The following ROCK2 variants were observed in gnomAD, a reference collection of about 807,000 sequenced individuals.
ROCK2 encodes Rho associated coiled-coil containing protein kinase 2.
ROCK2 carries 61 observed loss-of-function variants against 195.1 expected under a neutral mutation model. The ratio of observed to expected loss-of-function variants is 0.31; its 90% CI spans 0.25 to 0.39. The LOEUF (loss-of-function observed/expected upper bound fraction) is 0.39, where lower values mean the gene tolerates loss of function less well. ROCK2 is among the 10% of genes least tolerant of loss of function. The pLI is 1.00. For synonymous variants in ROCK2, 504 were observed against 545.5 expected, an observed-to-expected ratio of 0.92 and a Z score of 1.06; for missense variants, 1,109 against 1,637.4, an observed-to-expected ratio of 0.68 and a Z score of 5.57.
At chr2:11,243,458 A>G (rs543507101) in intron 4 of ROCK2, among the ~76,000 whole-genome samples, 1 of 152,312 alleles carries the variant, frequency 6.6e-6, no homozygotes, top group Non-Finnish European at 1.5e-5. Context: ...CAAGTGATAA[A>G]TATGGTAAAT....
intron 3 of ROCK2, among the ~76,000 whole-genome samples, chr2:11,278,658 C>G (rs4353615): frequency 0.73 from 111,660 of 152,060 alleles, 42,768 homozygotes; most frequent in East Asian, 0.94. Flanking sequence ...TGTCGCCCAG[C>G]CTGAACTGCA....
At position 11,287,892 on chromosome 2, in the gene ROCK2, C is replaced by T. The variant is rs534127306; in HGVS notation, c.142-156G>A. Among the ~76,000 whole-genome samples, 8 of 152,340 alleles carry T rather than the reference C, an allele frequency of 5.3e-5. No individual in the cohort carries two copies. In the South Asian group the frequency reaches 1.4e-3, roughly 28 times the overall value. ...TAAGTTCCATATCCAACAGCTTTAA[C>T]TGGTTTCCTAACCTCTGTCAGAGAA... is the stretch of plus-strand genomic sequence containing the variant. On this transcript the variant is annotated intron_variant, in intron 1 of 32. Transcript: ENST00000315872.
At position 11,252,939 on chromosome 2, in the gene ROCK2, TATAATAATA is replaced by T. The variant is rs199970738; in HGVS notation, c.325-3150_325-3142del. 4.5e-3 allele frequency among the ~76,000 whole-genome samples: 649 copies of T among 143,328 alleles called. 4 individuals carry two copies. Among genetic ancestry groups the T allele is most frequent in the South Asian group, 0.017 (76 of 4,442 alleles). 94.0% of individuals were successfully genotyped at this position (143,328 alleles called of 152,430 possible). ...GTGCATGTATCCCAGAACTTAAAAG[TATAATAATA>T]ATAATAATAATAATAATAATAATAA... On this transcript the variant is annotated intron_variant, in intron 3 of 32. Transcript: ENST00000315872.
chr2:11,326,900 C>T (rs1430578969), intron 1 of ROCK2, among the ~76,000 whole-genome samples: 1 of 152,098 alleles, frequency 6.6e-6, no homozygotes, highest in East Asian at 1.9e-4. Flanking sequence ...TCTGTTTTCC[C>T]ATGAAGGGGG....
At chr2:11,243,044 C>T (rs1248559310) in intron 4 of ROCK2, among the ~76,000 whole-genome samples, 1 of 152,026 alleles carries the variant, frequency 6.6e-6, no homozygotes, top group Non-Finnish European at 1.5e-5. Context: ...GTTGGTAACA[C>T]AAACAGGGTC....
At chr2:11,292,623 T>C (rs773983459) in intron 1 of ROCK2, among the ~76,000 whole-genome samples, 3 of 152,166 alleles carry the variant, frequency 2.0e-5, no homozygotes, top group Non-Finnish European at 4.4e-5. Flanking sequence ...AAGAAACAGT[T>C]AGTTACAGAG....
At chr2:11,254,982 C>T (rs1477598435) in intron 3 of ROCK2, among the ~76,000 whole-genome samples, 1 of 151,976 alleles carries the variant, frequency 6.6e-6, no homozygotes, top group East Asian at 1.9e-4. Context: ...CTTTGGGAGG[C>T]TGAGGCGGGC....
intron 20 of ROCK2, among the ~76,000 whole-genome samples, chr2:11,205,480 T>C (rs561531430): frequency 3.7e-4 from 57 of 152,186 alleles, no homozygotes; most frequent in Non-Finnish European, 7.2e-4. Flanking sequence ...GTTTATATAT[T>C]TTTTAATTCC....
At chr2:11,316,395 A>G (rs980284217) in intron 1 of ROCK2, among the ~76,000 whole-genome samples, 1 of 152,176 alleles carries the variant, frequency 6.6e-6, no homozygotes, top group South Asian at 2.1e-4. Flanking sequence ...GGTTTATATA[A>G]CAATAAAGGT....
At chr2:11,239,847 T>C (rs1175759989) in intron 4 of ROCK2, among the ~76,000 whole-genome samples, 3 of 152,198 alleles carry the variant, frequency 2.0e-5, no homozygotes, top group Admixed American at 2.0e-4. Flanking sequence ...ACTTACTGGC[T>C]ACAAATTCAG....
At chr2:11,334,861 G>A (rs1448800104) in intron 1 of ROCK2, among the ~76,000 whole-genome samples, 2 of 148,676 alleles carry the variant, frequency 1.3e-5, no homozygotes, top group Non-Finnish European at 3.0e-5. Flanking sequence ...TCTATCACTT[G>A]CTTTATAACT....
rs757242383 is a variant in ROCK2, at chr2:11,192,721, G to C, written c.3688-9C>G. 16 of 1,603,602 alleles carry C rather than the reference G, an allele frequency of 1.0e-5. No individual in the cohort carries two copies. Among genetic ancestry groups the C allele is most frequent in the Non-Finnish European group, 1.4e-5 (16 of 1,175,092 alleles). ...TCATTGGCATACAGAATCTATGAAT[G>C]CCAAAAGAACAATAAGTGATTTCCA... On this transcript the variant is annotated splice_polypyrimidine_tract_variant and intron_variant, in intron 30 of 32. Coordinates refer to ENST00000315872, the MANE Select transcript of ROCK2 (RefSeq NM_004850.5). The surrounding 1 kb of genome is among the most constrained non-coding windows in gnomAD (Gnocchi z 5.0).
intron 1 of ROCK2, 40 bp downstream of exon 1, chr2:11,343,956 T>C (rs1283370329): frequency 1.3e-6 from 2 of 1,575,490 alleles, no homozygotes; most frequent in Admixed American, 3.6e-5. Context: ...ATCTGAGGTG[T>C]GAGCTGCAAC....
In ROCK2 at chr2:11,304,784, A is replaced by C. The variant is rs573295550; in HGVS notation, c.142-17048T>G. Among the ~76,000 whole-genome samples the C allele has an allele frequency of 7.9e-5, 12 of 152,268 alleles. No individual in the cohort carries two copies. The South Asian group carries it at 2.1e-3, about 26-fold the overall frequency. The stretch of plus-strand genomic sequence containing the variant: ...CCACACTGGCCTTCTAAACGTTTCG[A>C]AATCACAACCGGTACCCTACACAAG... On this transcript the variant is annotated intron_variant, in intron 1 of 32. Transcript: ENST00000315872.
intron 30 of ROCK2, among the ~76,000 whole-genome samples, chr2:11,193,549 C>T (rs1257962773): frequency 2.0e-5 from 3 of 151,868 alleles, no homozygotes; most frequent in African/African-American, 7.3e-5. Context: ...ACAAACACAC[C>T]GCAAGCTTTA....
At chr2:11,253,957 A>AAAATC in intron 3 of ROCK2, among the ~76,000 whole-genome samples, 1 of 152,370 alleles carries the variant, frequency 6.6e-6, no homozygotes, top group African/African-American at 2.4e-5. Context: ...AAAATTTTAG[A>AAAATC]AAATCATAAA....
intron 1 of ROCK2, among the ~76,000 whole-genome samples, chr2:11,342,467 A>G (rs1220040850): frequency 6.6e-6 from 1 of 152,248 alleles, no homozygotes; most frequent in Non-Finnish European, 1.5e-5. Context: ...GATTAATATC[A>G]TTAAAGATCT....
At chr2:11,316,877 T>C (rs1186603318) in intron 1 of ROCK2, among the ~76,000 whole-genome samples, 1 of 152,124 alleles carries the variant, frequency 6.6e-6, no homozygotes, top group Non-Finnish European at 1.5e-5. Flanking sequence ...CTCAGTGAAT[T>C]AAGAGACTTA....
At position 11,317,612 on chromosome 2, in the gene ROCK2, A is replaced by ATTT. The variant is rs1553317464; in HGVS notation, c.141+26381_141+26383dup. Reference sequence around the variant, plus strand: ...TATATATATATATATATATATATATATTTTTTTTTTTTTTTAATTATACTT... The same window carrying ATTT: ...TATATATATATATATATATATATATATTTTTTTTTTTTTTTTTTAATTATACTT... On this transcript the variant is annotated intron_variant, in intron 1 of 32. Coordinates refer to ENST00000315872, the MANE Select transcript of ROCK2 (RefSeq NM_004850.5). Among the ~76,000 whole-genome samples, 54 of 19,300 alleles carry ATTT rather than the reference A, an allele frequency of 2.8e-3. 9 individuals are homozygous for ATTT. Among genetic ancestry groups the ATTT allele is most frequent in the African/African-American group, 7.8e-3 (49 of 6,262 alleles). The allele number at this position is 19,300 out of a possible 152,430, so 12.7% of individuals were successfully genotyped here. A position where few individuals can be genotyped will look rare whatever the true frequency, so the allele number is the denominator to read the frequency against.
Sources: allele counts gnomAD v4.1 joint callset (sites outside exome capture counted in the v4.1 genomes callset), GRCh38; gene constraint gnomAD v4.1.1; non-coding constraint Gnocchi (gnomAD v3.1); transcripts MANE v1.5; gene names NCBI Gene and HGNC (gene_info 2026-07-23, HGNC 2026-07-21).